PBRM1: variants seen among roughly 807,000 people sequenced by gnomAD.
PBRM1 encodes protein polybromo-1.
PBRM1 carries 27 observed loss-of-function variants against 194.5 expected under a neutral mutation model. That is an observed-to-expected ratio of 0.14 (90% CI 0.10 to 0.19). PBRM1 has a LOEUF of 0.19. Among genes scored for constraint, PBRM1 ranks in the 10% least tolerant of loss-of-function variants. PBRM1 has a pLI of 1.00. For synonymous variants in PBRM1, 655 were observed against 693.2 expected (o/e 0.94, Z 0.87); for missense variants, 1,466 against 2,077.2 (o/e 0.71, Z 5.72).
chr3:52,580,973 C>G (rs1193099244), intron 20 of PBRM1, among the ~76,000 whole-genome samples: 1 of 152,056 alleles, frequency 6.6e-6, no homozygotes, highest in African/African-American at 2.4e-5. Flanking sequence ...AAAGAAGAAC[C>G]ATCATTTACT....
At chr3:52,637,840 G>A (rs1012552516) in intron 10 of PBRM1, among the ~76,000 whole-genome samples, 2 of 146,854 alleles carry the variant, frequency 1.4e-5, no homozygotes, top group African/African-American at 2.5e-5. Flanking sequence ...CTAGCTACCC[G>A]GAGGCTGAGG....
At chr3:52,642,759 GGT>G (rs2096146219) in intron 9 of PBRM1, among the ~76,000 whole-genome samples, 1 of 151,870 alleles carries the variant, frequency 6.6e-6, no homozygotes, top group Non-Finnish European at 1.5e-5. Context: ...TCGTCTGAGA[GGT>G]GATATAAGGC....
At chr3:52,560,643 A>G (rs1301768797) in intron 25 of PBRM1, 2 of 152,208 alleles carry the variant, frequency 1.3e-5, no homozygotes, top group Admixed American at 6.5e-5. Flanking sequence ...CTGACAACAC[A>G]CATACGGGAA....
At chr3:52,600,157 TTC>T (rs2093890121) in intron 17 of PBRM1, among the ~76,000 whole-genome samples, 1 of 152,160 alleles carries the variant, frequency 6.6e-6, no homozygotes. Context: ...ACATTTTAAG[TTC>T]TCTCTTTTTA....
intron 3 of PBRM1, 26 bp downstream of exon 4, chr3:52,668,472 T>G: frequency 6.5e-7 from 1 of 1,528,966 alleles, no homozygotes; most frequent in Non-Finnish European, 8.9e-7. Context: ...CCAATTGGTA[T>G]CTTTCCAAAT....
At chr3:52,664,960 T>C (rs1168908975) in intron 3 of PBRM1, among the ~76,000 whole-genome samples, 1 of 152,000 alleles carries the variant, frequency 6.6e-6, no homozygotes, top group African/African-American at 2.4e-5. Flanking sequence ...TATAAAGATA[T>C]CCACATCTAA....
At chr3:52,576,433 T>G in intron 22 of PBRM1, 108 bp downstream of exon 24, 1 of 667,042 alleles carries the variant, frequency 1.5e-6, no homozygotes, top group Non-Finnish European at 2.4e-6. Flanking sequence ...GAGATTTGGA[T>G]TTGGGCACTG....
chr3:52,563,914 G>T, intron 23 of PBRM1, 136 bp downstream of exon 25: 1 of 621,616 alleles, frequency 1.6e-6, no homozygotes, highest in Non-Finnish European at 2.7e-6. Context: ...TAATCTTTAA[G>T]TGAATAAATA....
intron 5 of PBRM1, among the ~76,000 whole-genome samples, chr3:52,655,642 T>C (rs944220446): frequency 1.3e-5 from 2 of 152,216 alleles, no homozygotes; most frequent in African/African-American, 4.8e-5. Flanking sequence ...AGAATCATCA[T>C]ACTGTTTTCT....
chr3:52,613,496 C>T (rs2094768512), intron 15 of PBRM1, among the ~76,000 whole-genome samples: 1 of 149,616 alleles, frequency 6.7e-6, no homozygotes, highest in Non-Finnish European at 1.5e-5. Context: ...CATGTGCCAC[C>T]ACGCCTGGCT....
intron 25 of PBRM1, among the ~76,000 whole-genome samples, chr3:52,559,122 A>G (rs17052259): frequency 0.42 from 63,251 of 152,084 alleles, 13,399 homozygotes; most frequent in Admixed American, 0.5. Flanking sequence ...GCAATGGACA[A>G]TGTACTGAAA....
Position 52,550,566 on chromosome 3 carries a change from AG to A in PBRM1, c.4751del (p.Pro1584LeufsTer12). The A allele has an allele frequency of 1.3e-6, 2 of 1,547,816 alleles. No individual in the cohort carries two copies. Among genetic ancestry groups the A allele is most frequent in the Non-Finnish European group, 8.7e-7 (1 of 1,149,000 alleles). On this transcript the variant is annotated frameshift_variant, in exon 29 of 30. Coordinates refer to ENST00000296302, the Ensembl canonical transcript of PBRM1. LOFTEE classifies it high-confidence loss of function. Reference sequence around the variant, plus strand: ...TGGGTGTTGTTGGCTGCTGTATGACAGGGGGTCCAGCTGGATGTGGGCCGGG... The same window carrying A: ...TGGGTGTTGTTGGCTGCTGTATGACAGGGGTCCAGCTGGATGTGGGCCGGG...
intron 20 of PBRM1, among the ~76,000 whole-genome samples, chr3:52,583,133 G>A (rs529898128): frequency 3.5e-4 from 53 of 149,990 alleles, no homozygotes; most frequent in African/African-American, 1.3e-3. Context: ...AATAGGGGCG[G>A]GGGCGGTGGC....
rs2094508893 is a variant in PBRM1, at chr3:52,609,515, C to G, written c.2365G>C (p.Val789Leu). The G allele has an allele frequency of 1.2e-6, 2 of 1,613,926 alleles. No individual in the cohort carries two copies. The highest frequency in any genetic ancestry group is 4.5e-5 in the East Asian group (2 of 44,872). The change falls in exon 16 of 30, where the codon GTC becomes CTC. Residue 789 changes from valine (V) to leucine (L), a missense_variant. Val to Leu is a conservative substitution (Grantham distance 32, BLOSUM62 1). Coordinates refer to ENST00000296302, the Ensembl canonical transcript of PBRM1. This position sits in a 1 kb window ranked among gnomAD's most constrained non-coding sequence, Gnocchi z 4.1. ...CCCTCATCATCCTGATGACTCATGA[C>G]TGACACAAAAAGATTGTGGATAAGC...
At chr3:52,593,528 T>G (rs189532413) in intron 17 of PBRM1, among the ~76,000 whole-genome samples, 47 of 152,338 alleles carry the variant, frequency 3.1e-4, no homozygotes, top group Admixed American at 1.0e-3. Context: ...TGAGCCACCG[T>G]GCCTGGCCAT....
intron 2 of PBRM1, among the ~76,000 whole-genome samples, chr3:52,674,511 T>C (rs1471768853): frequency 1.5e-5 from 2 of 136,218 alleles, no homozygotes; most frequent in East Asian, 4.4e-4. Flanking sequence ...AGAGAGAGGC[T>C]GGGTGTGGTG....
In PBRM1 at chr3:52,641,934, A is replaced by T. The variant is rs1230068004; in HGVS notation, c.1087+20T>A. On this transcript the variant is annotated intron_variant, in intron 10 of 29. Transcript: ENST00000296302. ...GGATCCACTAAGAAGGCATTTCGCTAGTCAAAACCTAATGCCTACCAGCTA... is the reference window on the plus strand; with the variant it reads ...GGATCCACTAAGAAGGCATTTCGCTTGTCAAAACCTAATGCCTACCAGCTA... The T allele has an allele frequency of 7.1e-6, 10 of 1,414,092 alleles. No homozygotes were observed. In the South Asian group the frequency reaches 1.0e-4, roughly 15 times the overall value. The allele number at this position is 1,414,092 out of a possible 1,614,324, so 87.6% of individuals were successfully genotyped here.
chr3:52,584,582 A>G (rs2092058364), intron 20 of PBRM1, among the ~76,000 whole-genome samples: 1 of 149,544 alleles, frequency 6.7e-6, no homozygotes, highest in Admixed American at 6.8e-5. Flanking sequence ...CAGCCATCCA[A>G]GTGGTTGGGT....
intron 20 of PBRM1, among the ~76,000 whole-genome samples, chr3:52,580,710 T>G (rs1268201189): frequency 2.6e-5 from 4 of 152,222 alleles, no homozygotes; most frequent in Non-Finnish European, 5.9e-5. Flanking sequence ...ACCTAATGAC[T>G]GCTATGGCTT....
Sources: allele counts gnomAD v4.1 joint callset (sites outside exome capture counted in the v4.1 genomes callset), GRCh38; gene constraint gnomAD v4.1.1; non-coding constraint Gnocchi (gnomAD v3.1); transcripts MANE v1.5; gene names NCBI Gene and HGNC (gene_info 2026-07-23, HGNC 2026-07-21).